TRAK1: variants seen among roughly 807,000 people sequenced by gnomAD.
The protein encoded by TRAK1 is trafficking kinesin protein 1.
In TRAK1, 33 loss-of-function variants were observed where a neutral mutation model predicts 92.1. That is an observed-to-expected ratio of 0.36 (90% CI 0.27 to 0.48). TRAK1 has a LOEUF of 0.48. Among genes scored for constraint, TRAK1 ranks in the 20% least tolerant of loss-of-function variants. The pLI is 0.99. For missense variants in TRAK1, 1,123 were observed against 1,257.9 expected, an observed-to-expected ratio of 0.89 and a Z score of 1.62; for synonymous variants, 521 against 517.3, an observed-to-expected ratio of 1.01 and a Z score of -0.10.
intron 2 of TRAK1, among the ~76,000 whole-genome samples, chr3:42,159,883 G>A (rs920761023): frequency 1.3e-5 from 2 of 152,186 alleles, no homozygotes; most frequent in African/African-American, 2.4e-5. Context: ...CAATTCCTCC[G>A]CCAGCGCCCC....
chr3:42,043,365 C>T (rs937802868), intron 1 of TRAK1, among the ~76,000 whole-genome samples: 1 of 151,742 alleles, frequency 6.6e-6, no homozygotes, highest in Non-Finnish European at 1.5e-5. Context: ...CTTGCTGCTT[C>T]CCTCACCCTC....
At chr3:42,054,516 T>C (rs1403753846) in intron 1 of TRAK1, among the ~76,000 whole-genome samples, 1 of 152,172 alleles carries the variant, frequency 6.6e-6, no homozygotes, top group Non-Finnish European at 1.5e-5. Context: ...AAATCAGTTA[T>C]ATAGCCAGAC....
chr3:42,163,621 C>T (rs1701531547), intron 2 of TRAK1, among the ~76,000 whole-genome samples: 1 of 151,780 alleles, frequency 6.6e-6, no homozygotes. Context: ...TCCAGACCTA[C>T]TGAATCAGAA....
chr3:42,209,829 C>T lies in TRAK1; in HGVS notation c.1807C>T (p.Pro603Ser), dbSNP rs375255978. ...ACCTCACCTTGGGGGCATCCTGGAC[C>T]CCCGGCCCGGTGTGGTCACCAAGGG... is the stretch of plus-strand genomic sequence containing the variant. ...AQPHLGGILD[P>S]RPGVVTKGFR... Residue 603 changes from proline to serine, a missense_variant, in exon 14 of 16, where the codon CCC (proline) becomes TCC (serine). By Grantham distance (74) the Pro-to-Ser change is moderately conservative (BLOSUM62 -1). Transcript: ENST00000327628. The T allele has an allele frequency of 1.2e-5, 20 of 1,614,208 alleles. No individual in the cohort carries two copies. Among genetic ancestry groups the T allele is most frequent in the Middle Eastern group, 1.6e-4 (1 of 6,062 alleles).
Position 42,103,342 on chromosome 3 carries a change from A to AT in TRAK1, c.91+11791dup, listed in dbSNP as rs1282874379. Among the ~76,000 whole-genome samples, 5 of 150,428 alleles carry AT rather than the reference A, an allele frequency of 3.3e-5. No homozygotes were observed. In the South Asian group the frequency reaches 6.4e-4, roughly 19 times the overall value. On this transcript the variant is annotated intron_variant, in intron 1 of 15. Transcript: ENST00000327628. Reference sequence around the variant, plus strand: ...GCCACCACACTCAGCTAATTTTTGTATTTTTTTTTCTTAGTAGAGACAGGG... The same window carrying AT: ...GCCACCACACTCAGCTAATTTTTGTATTTTTTTTTTCTTAGTAGAGACAGGG...
chr3:42,048,976 C>A (rs1702871532), intron 1 of TRAK1, among the ~76,000 whole-genome samples: 1 of 152,186 alleles, frequency 6.6e-6, no homozygotes, highest in Non-Finnish European at 1.5e-5. Context: ...CAGTCTCAAC[C>A]TCGTGGCCTC....
intron 4 of TRAK1, 141 bp downstream of exon 4, chr3:42,184,942 GTC>G: frequency 1.3e-6 from 1 of 754,894 alleles, no homozygotes; most frequent in Non-Finnish European, 2.2e-6. Context: ...GCCCAGAACT[GTC>G]TCTTCTGAAA....
chr3:42,077,018 G>A (rs1446976562), intron 1 of TRAK1, among the ~76,000 whole-genome samples: 2 of 152,150 alleles, frequency 1.3e-5, no homozygotes, highest in African/African-American at 2.4e-5. Flanking sequence ...GTACCATGCT[G>A]TTTCAGTTAC....
At chr3:42,212,126 A>G in intron 14 of TRAK1, 1 of 985,422 alleles carries the variant, frequency 1.0e-6, no homozygotes, top group Non-Finnish European at 1.2e-6. Context: ...CGCTAAGTAA[A>G]TCATCCTGGA....
intron 2 of TRAK1, among the ~76,000 whole-genome samples, chr3:42,174,301 A>T (rs1043373589): frequency 2.0e-5 from 3 of 152,208 alleles, no homozygotes; most frequent in Non-Finnish European, 2.9e-5. Flanking sequence ...TGGTAGATAC[A>T]TGAACCAACA....
chr3:42,181,153 G>A (rs1024929979), intron 3 of TRAK1, among the ~76,000 whole-genome samples: 2 of 152,168 alleles, frequency 1.3e-5, no homozygotes. Flanking sequence ...GAAGCCTTCC[G>A]CATCCTTCAG....
chr3:42,170,111 C>T (rs1184379345), intron 2 of TRAK1, among the ~76,000 whole-genome samples: 1 of 152,062 alleles, frequency 6.6e-6, no homozygotes, highest in Non-Finnish European at 1.5e-5. Flanking sequence ...TGGGCTGGGC[C>T]AGGTAGGGAT....
In TRAK1 at chr3:42,202,827, G is replaced by A. The variant is rs747822906; in HGVS notation, c.1744+75G>A. On this transcript the variant is annotated intron_variant, in intron 13 of 15. Transcript: ENST00000327628. The surrounding 1 kb of genome is among the most constrained non-coding windows in gnomAD (Gnocchi z 6.1). Reference sequence around the variant, plus strand: ...TTGGTCCCTGATCCACCTGCGGAAGGCGGGGCACCTCTGTCACGCCTACTC... The same window carrying A: ...TTGGTCCCTGATCCACCTGCGGAAGACGGGGCACCTCTGTCACGCCTACTC... The A allele has an allele frequency of 3.2e-6, 5 of 1,586,534 alleles. No homozygotes were observed. In the East Asian group the frequency reaches 1.1e-4, roughly 36 times the overall value.
intron 9 of TRAK1, 124 bp from the exon 10 acceptor site, chr3:42,194,680 C>A: frequency 8.6e-7 from 1 of 1,168,748 alleles, no homozygotes; most frequent in Non-Finnish European, 1.2e-6. Flanking sequence ...GCGCACAGGG[C>A]AGCTGGTTCC....
At chr3:42,072,433 G>C (rs1236019466) in intron 1 of TRAK1, among the ~76,000 whole-genome samples, 5 of 152,268 alleles carry the variant, frequency 3.3e-5, no homozygotes, top group Middle Eastern at 3.4e-3. Flanking sequence ...AGGCTCTGCA[G>C]CTCAGCCTCT....
At chr3:42,116,699 C>T (rs1186514552) in intron 1 of TRAK1, among the ~76,000 whole-genome samples, 1 of 152,154 alleles carries the variant, frequency 6.6e-6, no homozygotes, top group Non-Finnish European at 1.5e-5. Context: ...GTTATTGCCT[C>T]TAGCCAGAGC....
intron 1 of TRAK1, among the ~76,000 whole-genome samples, chr3:42,023,541 G>A (rs897172694): frequency 2.6e-5 from 4 of 152,056 alleles, no homozygotes; most frequent in African/African-American, 9.7e-5. Flanking sequence ...GTGAGAGAGG[G>A]TGGGGGTTAG....
At chr3:42,193,786 A>C (rs1553756485) in intron 8 of TRAK1, 38 bp from the exon 9 acceptor site, 3 of 1,607,958 alleles carry the variant, frequency 1.9e-6, no homozygotes, top group Non-Finnish European at 2.6e-6. Flanking sequence ...ACTTTTACCA[A>C]GTATCTTAGG....
intron 1 of TRAK1, among the ~76,000 whole-genome samples, chr3:42,061,216 T>C (rs1267678678): frequency 6.6e-6 from 1 of 151,972 alleles, no homozygotes; most frequent in Admixed American, 6.6e-5. Flanking sequence ...TACGTAACCA[T>C]TGACCTTAAG....
Sources: gnomAD v4.1 joint callset for allele counts (sites outside exome capture counted in the v4.1 genomes callset) on GRCh38, gnomAD v4.1.1 for gene constraint, Gnocchi (gnomAD v3.1) non-coding constraint, MANE v1.5 for transcripts, NCBI Gene and HGNC (gene_info 2026-07-23, HGNC 2026-07-21) for gene names.